The following ZNF676 variants were observed in gnomAD, a reference collection of about 807,000 sequenced individuals.
ZNF676 encodes zinc finger protein 676.
ZNF676 carries 4 observed loss-of-function variants against 6.0 expected under a neutral mutation model. That is an observed-to-expected ratio of 0.67 (90% confidence interval 0.33 to 1.53). The LOEUF (loss-of-function observed/expected upper bound fraction) is 1.53, where lower values mean the gene tolerates loss of function less well. Among genes scored for constraint, ZNF676 ranks in the 40% most tolerant of loss-of-function variants. ZNF676 has a pLI of 0.06. For synonymous variants in ZNF676, 198 were observed against 223.1 expected (o/e 0.89, Z 1.00); for missense variants, 644 against 679.7 (o/e 0.95, Z 0.58).
chr19:22,257,436 C>T, the ZNF676 span, among the ~76,000 whole-genome samples: 1 of 152,184 alleles, frequency 6.6e-6, no homozygotes, highest in African/African-American at 2.4e-5. Context: ...AGGTGAGTCA[C>T]ATCACTAAGA....
chr19:22,241,255 T>C, the ZNF676 span, among the ~76,000 whole-genome samples: 2 of 151,968 alleles, frequency 1.3e-5, no homozygotes, highest in Admixed American at 6.5e-5. Flanking sequence ...ATCCCACACA[T>C]GTCCCAGTTT....
the ZNF676 span, among the ~76,000 whole-genome samples, chr19:22,236,050 T>C: frequency 6.6e-6 from 1 of 151,462 alleles, no homozygotes; most frequent in African/African-American, 2.4e-5. Context: ...AAGAGTTGAA[T>C]GGGGATGTGG....
chr19:22,209,830 G>A (rs933387355), intron 1 of ZNF676, among the ~76,000 whole-genome samples: 3 of 152,268 alleles, frequency 2.0e-5, no homozygotes, highest in East Asian at 1.9e-4. Context: ...TGCAGATTCC[G>A]TGTCTGAAAA....
At chr19:22,228,474 T>C in the ZNF676 span, among the ~76,000 whole-genome samples, 1 of 152,218 alleles carries the variant, frequency 6.6e-6, no homozygotes, top group Non-Finnish European at 1.5e-5. Context: ...TCACCATTCC[T>C]ATTCAACATA....
At chr19:22,210,192 T>C (rs2024115472) in intron 1 of ZNF676, among the ~76,000 whole-genome samples, 1 of 152,158 alleles carries the variant, frequency 6.6e-6, no homozygotes, top group Admixed American at 6.5e-5. Flanking sequence ...CTGTGATATC[T>C]TTCTTCTGGC....
At chr19:22,211,488 G>C (rs1254512747) in intron 1 of ZNF676, among the ~76,000 whole-genome samples, 1 of 152,114 alleles carries the variant, frequency 6.6e-6, no homozygotes, top group Non-Finnish European at 1.5e-5. Context: ...CAAAAACAGT[G>C]TTCATATAAG....
the ZNF676 span, among the ~76,000 whole-genome samples, chr19:22,249,601 G>A: frequency 6.6e-5 from 10 of 151,702 alleles, no homozygotes; most frequent in Non-Finnish European, 1.0e-4. Context: ...TAGTAGAGAC[G>A]GGGTTTCTCC....
At chr19:22,186,838 G>A (rs533567922) in intron 2 of ZNF676, among the ~76,000 whole-genome samples, 10 of 152,188 alleles carry the variant, frequency 6.6e-5, no homozygotes, top group Non-Finnish European at 8.8e-5. Context: ...GCTAACTATC[G>A]TAAATATATA....
At chr19:22,226,607 T>TC in the ZNF676 span, among the ~76,000 whole-genome samples, 1 of 151,178 alleles carries the variant, frequency 6.6e-6, no homozygotes, top group African/African-American at 2.4e-5. Flanking sequence ...GCTTTTTTTT[T>TC]TTCCTTTGAG....
chr19:22,258,283 A>G, the ZNF676 span, among the ~76,000 whole-genome samples: 1 of 152,108 alleles, frequency 6.6e-6, no homozygotes, highest in Admixed American at 6.5e-5. Flanking sequence ...GGGCTCAGAG[A>G]TATGTCACAG....
the ZNF676 span, among the ~76,000 whole-genome samples, chr19:22,232,517 C>T: frequency 2.0e-5 from 3 of 152,088 alleles, no homozygotes; most frequent in South Asian, 2.1e-4. Context: ...TAAAACCAGA[C>T]AGAATAATAG....
upstream of ZNF676, among the ~76,000 whole-genome samples, chr19:22,200,559 C>T (rs1467534628): frequency 1.8e-5 from 2 of 108,766 alleles, no homozygotes; most frequent in African/African-American, 3.8e-5. Flanking sequence ...CACTTTGTTG[C>T]GGAGGCTGGA....
At chr19:22,245,382 C>G in the ZNF676 span, 19 of 151,906 alleles carry the variant, frequency 1.3e-4, no homozygotes, top group Admixed American at 5.9e-4. Flanking sequence ...CAGCAGGAGA[C>G]AAGAGTCACA....
chr19:22,205,235 A>T (rs1830173), intron 1 of ZNF676, among the ~76,000 whole-genome samples: 49,439 of 152,022 alleles, frequency 0.33, 8,409 homozygotes, highest in South Asian at 0.42. Context: ...ACAGGCACTA[A>T]TGGAGAGATC....
rs2023973704 is a variant in ZNF676 at position 22,196,946 on chromosome 19, T to C, written c.-313A>G. ...ATAAGATCCATAACATCTGTGTATA[T>C]GTAATATTTTTCTAGATAATAAAGT... is the stretch of plus-strand genomic sequence containing the variant. On this transcript the variant is annotated 5_prime_UTR_variant, in exon 1 of 3. Coordinates refer to ENST00000397121, the MANE Select transcript of ZNF676 (RefSeq NM_001001411.3). The C allele has an allele frequency of 2.1e-6, 1 of 475,682 alleles. No homozygotes were observed. Among genetic ancestry groups the C allele is most frequent in the African/African-American group, 2.0e-5 (1 of 50,004 alleles). The allele number at this position is 475,682 out of a possible 1,614,324, so 29.5% of individuals were successfully genotyped here.
At chr19:22,239,324 C>T in the ZNF676 span, among the ~76,000 whole-genome samples, 12 of 151,610 alleles carry the variant, frequency 7.9e-5, no homozygotes, top group African/African-American at 2.4e-4. Flanking sequence ...TACAGGCACC[C>T]GCCACCATGC....
At chr19:22,230,701 C>G in the ZNF676 span, among the ~76,000 whole-genome samples, 1 of 151,252 alleles carries the variant, frequency 6.6e-6, no homozygotes, top group African/African-American at 2.4e-5. Flanking sequence ...TCTTGTTTCC[C>G]AGGCTGGAGT....
At chr19:22,198,701 G>C (rs2023996117), upstream of ZNF676, among the ~76,000 whole-genome samples, 2 of 152,110 alleles carry the variant, frequency 1.3e-5, no homozygotes, top group African/African-American at 4.8e-5. Flanking sequence ...ATCCATTTCT[G>C]TCCTTTATAG....
intron 2 of ZNF676, among the ~76,000 whole-genome samples, chr19:22,188,101 C>CA (rs1395188429): frequency 3.9e-5 from 6 of 151,982 alleles, no homozygotes; most frequent in Non-Finnish European, 5.9e-5. Flanking sequence ...AACACTGATG[C>CA]AAAACTCCTC....
Sources: gnomAD v4.1 joint callset for allele counts (sites outside exome capture counted in the v4.1 genomes callset) on GRCh38, gnomAD v4.1.1 for gene constraint, MANE v1.5 for transcripts, NCBI Gene and HGNC (gene_info 2026-07-23, HGNC 2026-07-21) for gene names.